The following PYGL variants were observed in gnomAD, a reference collection of about 807,000 sequenced individuals.
PYGL encodes glycogen phosphorylase L, also known as glycogen phosphorylase, liver form.
A neutral mutation model predicts 100.1 loss-of-function variants in PYGL; 90 were observed. The observed-to-expected ratio is 0.90, with a 90% CI of 0.76 to 1.07. PYGL has a LOEUF of 1.07. PYGL is among the 50% of genes least tolerant of loss of function. The pLI is 0.00. For missense variants in PYGL, 1,016 were observed against 1,057.6 expected, an observed-to-expected ratio of 0.96 and a Z score of 0.55; for synonymous variants, 373 against 393.0, an observed-to-expected ratio of 0.95 and a Z score of 0.60.
rs767156606 is a variant in PYGL at position 50,910,004 on chromosome 14, T to C, written c.2068A>G (p.Ile690Val). ...ACATTGGCCCCATCCATGGTCCCGA[T>C]AGTTAGGGCCCCATTTAGCATGAAC... ...MKFMLNGALT[I>V]GTMDGANVEM... Residue 690 changes from isoleucine to valine, a missense_variant, in exon 17 of 20, where the codon ATC becomes GTC. Coordinates refer to ENST00000216392, the MANE Select transcript of PYGL (RefSeq NM_002863.5). 1.1e-5 allele frequency: 17 copies of C among 1,614,062 alleles called. No individual in the cohort carries two copies. The highest frequency in any genetic ancestry group is 3.3e-5 in the South Asian group (3 of 91,086).
At chr14:50,931,043 G>A (rs966724173) in intron 4 of PYGL, among the ~76,000 whole-genome samples, 2 of 152,124 alleles carry the variant, frequency 1.3e-5, no homozygotes, top group African/African-American at 4.8e-5. Context: ...TATTAAATGT[G>A]TGCCAGATTT....
At chr14:50,927,849 G>T (rs1392615414) in intron 4 of PYGL, among the ~76,000 whole-genome samples, 2 of 152,186 alleles carry the variant, frequency 1.3e-5, no homozygotes, top group African/African-American at 4.8e-5. Context: ...GCTGCAAGAT[G>T]GTGATAAACC....
intron 4 of PYGL, among the ~76,000 whole-genome samples, chr14:50,925,467 T>C (rs925022219): frequency 6.6e-6 from 1 of 152,242 alleles, no homozygotes; most frequent in South Asian, 2.1e-4. Flanking sequence ...TACCTCATAT[T>C]CACCTCTTAG....
In PYGL at chr14:50,912,237, T is replaced by C. The variant is rs1426028494; in HGVS notation, c.1687A>G (p.Met563Val). 1.2e-6 allele frequency: 2 copies of C among 1,613,994 alleles called. No individual in the cohort carries two copies. Among genetic ancestry groups the C allele is most frequent in the East Asian group, 2.2e-5 (1 of 44,872 alleles). Residue 563 changes from methionine to valine, a missense_variant, in exon 14 of 20, where the codon ATG becomes GTG. Transcript: ENST00000216392. ...ATCCTCTTCACCTGGACATCAAACA[T>C]GGAGGATGGGTTGATCTTCACTTTG... ...EYKVKINPSS[M>V]FDVQVKRIHE...
In PYGL at chr14:50,944,227, C is replaced by T. The variant is rs1263318891; in HGVS notation, c.177G>A (p.Thr59=). ...TRDYYFALAH[T]VRDHLVGRWI... ...AGCGCCCCACCAGGTGGTCGCGCAC[C>T]GTGTGCGCCAGCGCGAAGTAGTAGT... Residue 59 remains threonine, a synonymous_variant, in exon 1 of 20, where the codon ACG becomes ACA. Coordinates refer to ENST00000216392, the MANE Select transcript of PYGL (RefSeq NM_002863.5). 2.5e-6 allele frequency: 4 copies of T among 1,613,046 alleles called. No homozygotes were observed. Among genetic ancestry groups the T allele is most frequent in the Admixed American group, 3.3e-5 (2 of 59,988 alleles).
At position 50,915,327 on chromosome 14, in the gene PYGL, G is replaced by T; in HGVS notation, c.1403+9C>A. 6.2e-7 allele frequency: 1 copy of T among 1,613,976 alleles called. No homozygotes were observed. Among genetic ancestry groups the T allele is most frequent in the Non-Finnish European group, 8.5e-7 (1 of 1,179,900 alleles). ...TGTCAGACCCACTGCCAGAGTAATGGAGGCTCACACTTTAGTCTTCACGAT... is the reference window on the plus strand; with the variant it reads ...TGTCAGACCCACTGCCAGAGTAATGTAGGCTCACACTTTAGTCTTCACGAT... On this transcript the variant is annotated intron_variant, in intron 11 of 19. Transcript: ENST00000216392.
At chr14:50,928,018 G>C (rs1368851769) in intron 4 of PYGL, among the ~76,000 whole-genome samples, 1 of 152,186 alleles carries the variant, frequency 6.6e-6, no homozygotes, top group African/African-American at 2.4e-5. Context: ...ATCCAAGTGA[G>C]CTGTCAGAGC....
chr14:50,916,077 G>A (rs1326532683), intron 9 of PYGL, 106 bp from the exon 10 acceptor site: 4 of 1,468,536 alleles, frequency 2.7e-6, no homozygotes, highest in Non-Finnish European at 3.8e-6. Flanking sequence ...ACCATTCCAA[G>A]TGTGCATAGT....
chr14:50,906,018 A>G (rs535752055), intron 19 of PYGL, among the ~76,000 whole-genome samples: 1 of 152,232 alleles, frequency 6.6e-6, no homozygotes, highest in South Asian at 2.1e-4. Context: ...AAACAATTCA[A>G]TGAGAGGCTT....
intron 3 of PYGL, among the ~76,000 whole-genome samples, chr14:50,933,457 A>G (rs1340710210): frequency 6.6e-6 from 1 of 152,272 alleles, no homozygotes; most frequent in Non-Finnish European, 1.5e-5. Flanking sequence ...ATGCAAAATC[A>G]GAAGATTTTT....
At chr14:50,920,697 T>C in intron 6 of PYGL, 74 bp from the exon 7 acceptor site, 6 of 1,425,190 alleles carry the variant, frequency 4.2e-6, no homozygotes, top group Non-Finnish European at 5.9e-6. Flanking sequence ...TCTCACTGGC[T>C]CTGTGCTGTG....
chr14:50,907,779 C>T (rs145432521), intron 19 of PYGL, among the ~76,000 whole-genome samples: 4,178 of 152,198 alleles, frequency 0.027, 83 homozygotes, highest in African/African-American at 0.056. Context: ...GGCATGGTGG[C>T]TCACACCTGT....
intron 19 of PYGL, among the ~76,000 whole-genome samples, chr14:50,907,136 G>T (rs1382728179): frequency 6.6e-6 from 1 of 152,144 alleles, no homozygotes. Context: ...CTAGAGAGTT[G>T]TTTGATAAAG....
At chr14:50,908,390 G>A (rs113261083) in intron 18 of PYGL, 53 bp from the exon 19 acceptor site, 3 of 1,406,262 alleles carry the variant, frequency 2.1e-6, no homozygotes, top group Non-Finnish European at 3.0e-6. Context: ...TTCATTAATA[G>A]ATATATGCTA....
intron 1 of PYGL, among the ~76,000 whole-genome samples, chr14:50,940,217 G>A (rs974907923): frequency 6.6e-6 from 1 of 152,094 alleles, no homozygotes; most frequent in South Asian, 2.1e-4. Flanking sequence ...GTATTACCCA[G>A]TTTAAAAAAA....
At chr14:50,943,473 AGGGTCGGGGGAGTGT>A (rs2050718318) in intron 1 of PYGL, among the ~76,000 whole-genome samples, 1 of 152,228 alleles carries the variant, frequency 6.6e-6, no homozygotes, top group Non-Finnish European at 1.5e-5. Flanking sequence ...GGAAGGGCTA[AGGGTCGGGGGAGTGT>A]GTGTCTTCGG....
intron 3 of PYGL, among the ~76,000 whole-genome samples, chr14:50,933,930 T>C (rs921349816): frequency 2.4e-4 from 36 of 152,224 alleles, no homozygotes; most frequent in African/African-American, 8.7e-4. Flanking sequence ...ATTTCGCTTT[T>C]AATTTGGAGA....
intron 16 of PYGL, among the ~76,000 whole-genome samples, chr14:50,910,739 G>A (rs2050387643): frequency 6.6e-6 from 1 of 152,198 alleles, no homozygotes; most frequent in Non-Finnish European, 1.5e-5. Flanking sequence ...AACCTGAGGA[G>A]ACTGGATTGT....
chr14:50,927,580 T>C (rs1344454604), intron 4 of PYGL, among the ~76,000 whole-genome samples: 2 of 152,196 alleles, frequency 1.3e-5, no homozygotes, highest in African/African-American at 4.8e-5. Flanking sequence ...CCATCAAATG[T>C]TGGTTGAATT....
Sources: allele counts gnomAD v4.1 joint callset (sites outside exome capture counted in the v4.1 genomes callset), GRCh38; gene constraint gnomAD v4.1.1; transcripts MANE v1.5; gene names NCBI Gene and HGNC (gene_info 2026-07-23, HGNC 2026-07-21).